SRD5A2: variants seen among roughly 807,000 people sequenced by gnomAD.
SRD5A2 encodes the protein steroid 5 alpha-reductase 2.
Under a neutral mutation model 27.4 loss-of-function variants are expected in SRD5A2, and 30 were observed. The ratio of observed to expected loss-of-function variants is 1.10; its 90% CI spans 0.82 to 1.49. The LOEUF is 1.49. Among genes scored for constraint, SRD5A2 ranks in the 40% most tolerant of loss-of-function variants. The pLI is 0.00. For missense variants in SRD5A2, 348 were observed against 323.4 expected (o/e 1.08, Z -0.58); for synonymous variants, 141 against 133.6 (o/e 1.06, Z -0.38).
intron 1 of SRD5A2, among the ~76,000 whole-genome samples, chr2:31,560,686 T>C (rs1666604407): frequency 6.6e-6 from 1 of 152,180 alleles, no homozygotes; most frequent in South Asian, 2.1e-4. Flanking sequence ...TCTTTCCCCA[T>C]TTCCTTTTAC....
At chr2:31,629,714 C>CAG in the SRD5A2 span, among the ~76,000 whole-genome samples, 2 of 152,112 alleles carry the variant, frequency 1.3e-5, no homozygotes, top group African/African-American at 4.8e-5. Flanking sequence ...ATGGTGCAGC[C>CAG]AGAAGTCTCT....
chr2:31,606,160 G>A, the SRD5A2 span, among the ~76,000 whole-genome samples: 4 of 151,942 alleles, frequency 2.6e-5, no homozygotes, highest in Admixed American at 6.6e-5. Flanking sequence ...GAAGGGTAGT[G>A]GGTGGTGGAA....
chr2:31,637,922 G>A, the SRD5A2 span, among the ~76,000 whole-genome samples: 1 of 151,494 alleles, frequency 6.6e-6, no homozygotes, highest in Admixed American at 6.6e-5. Flanking sequence ...TGTCTCAATT[G>A]CATTTATATT....
chr2:31,580,510 G>A (rs1391894081), intron 1 of SRD5A2, 110 bp downstream of exon 1: 17 of 1,320,202 alleles, frequency 1.3e-5, no homozygotes, highest in Admixed American at 2.9e-5. Context: ...TCCTCACAGC[G>A]CCCCACGCTG....
chr2:31,622,225 G>A, the SRD5A2 span, among the ~76,000 whole-genome samples: 2 of 152,028 alleles, frequency 1.3e-5, no homozygotes, highest in Admixed American at 6.6e-5. Context: ...GCAGTATTTG[G>A]TATTCTGCTT....
At chr2:31,529,669 C>T (rs757860224) in intron 3 of SRD5A2, among the ~76,000 whole-genome samples, 1 of 152,170 alleles carries the variant, frequency 6.6e-6, no homozygotes, top group South Asian at 2.1e-4. Context: ...TCTGGAGTTG[C>T]GAAGAGTGGC....
chr2:31,531,230 T>C, intron 3 of SRD5A2, 141 bp downstream of exon 3: 2 of 609,972 alleles, frequency 3.3e-6, no homozygotes, highest in Admixed American at 3.0e-5. Flanking sequence ...TGGGACTGGG[T>C]TTGCAGGGGA....
At chr2:31,599,450 T>C in the SRD5A2 span, among the ~76,000 whole-genome samples, 18 of 152,064 alleles carry the variant, frequency 1.2e-4, no homozygotes, top group African/African-American at 4.1e-4. Context: ...TGAAATAATA[T>C]CAAGCATTTT....
chr2:31,537,997 T>C (rs1666059830), intron 1 of SRD5A2, among the ~76,000 whole-genome samples: 1 of 152,156 alleles, frequency 6.6e-6, no homozygotes, highest in African/African-American at 2.4e-5. Context: ...TTTCTGCTCT[T>C]TGTAAATTAC....
the SRD5A2 span, among the ~76,000 whole-genome samples, chr2:31,592,949 T>C: frequency 6.6e-6 from 1 of 152,242 alleles, no homozygotes; most frequent in Non-Finnish European, 1.5e-5. Context: ...GATGAGTTCA[T>C]GTCCTTTGTA....
rs779428810 is a variant in SRD5A2, at chr2:31,580,670, C to T, written c.231G>A (p.Gly77=). ...GGCCCAGAAGTACCGTCCCAGGTGG[C>T]CCGAAGAGGGAGAGGGGCTGCCGGG... ...ILARQPLSLF[G]PPGTVLLGLF... is the part of the protein sequence containing the mutation. Residue 77 remains glycine, a synonymous_variant, in exon 1 of 5, where the codon GGG becomes GGA. Transcript: ENST00000622030. The T allele has an allele frequency of 2.6e-5, 42 of 1,595,224 alleles. No homozygotes were observed. Among genetic ancestry groups the T allele is most frequent in the Non-Finnish European group, 3.4e-5 (40 of 1,176,714 alleles).
the SRD5A2 span, among the ~76,000 whole-genome samples, chr2:31,640,786 C>T: frequency 6.6e-6 from 1 of 152,030 alleles, no homozygotes; most frequent in African/African-American, 2.4e-5. Flanking sequence ...GTAGTCCTAC[C>T]TACCCGCTTT....
the SRD5A2 span, among the ~76,000 whole-genome samples, chr2:31,596,910 C>T: frequency 2.0e-5 from 3 of 152,038 alleles, no homozygotes; most frequent in Non-Finnish European, 4.4e-5. Flanking sequence ...GTGAAAGTGA[C>T]CACCCTGCCA....
At chr2:31,553,149 G>A (rs1219761318) in intron 1 of SRD5A2, among the ~76,000 whole-genome samples, 1 of 152,066 alleles carries the variant, frequency 6.6e-6, no homozygotes, top group African/African-American at 2.4e-5. Context: ...TCAATAGAAA[G>A]CTTCAAACAC....
the SRD5A2 span, among the ~76,000 whole-genome samples, chr2:31,600,881 C>G: frequency 6.6e-6 from 1 of 151,806 alleles, no homozygotes; most frequent in African/African-American, 2.4e-5. Context: ...GGGATTTCTT[C>G]CAGGGATGCA....
At position 31,532,596 on chromosome 2, in the gene SRD5A2, C is replaced by T. The variant is rs372169227; in HGVS notation, c.445+1007G>A. Among the ~76,000 whole-genome samples the T allele has an allele frequency of 1.8e-3, 270 of 152,266 alleles. 1 individual carries two copies. Among genetic ancestry groups the T allele is most frequent in the Middle Eastern group, 6.8e-3 (2 of 294 alleles). On this transcript the variant is annotated intron_variant, in intron 2 of 4. Coordinates refer to ENST00000622030, the MANE Select transcript of SRD5A2 (RefSeq NM_000348.4). ...CATTATTACAGCCCAGAAACACTCACCGTCCCACAAAGAGGCCCAACCCAA... is the reference window on the plus strand; with the variant it reads ...CATTATTACAGCCCAGAAACACTCATCGTCCCACAAAGAGGCCCAACCCAA...
chr2:31,620,331 G>A, the SRD5A2 span, among the ~76,000 whole-genome samples: 1 of 151,986 alleles, frequency 6.6e-6, no homozygotes, highest in South Asian at 2.1e-4. Flanking sequence ...TGGAATTTCT[G>A]GCCAGGGCAA....
chr2:31,549,596 A>G lies in SRD5A2; in HGVS notation c.282-15830T>C, dbSNP rs569623591. On this transcript the variant is annotated intron_variant, in intron 1 of 4. Coordinates refer to ENST00000622030, the MANE Select transcript of SRD5A2 (RefSeq NM_000348.4). ...AAAATGAAGTAGAGTTACTATACTA[A>G]TTTCAGATAAAGTAGACTCTGAGCA... Among the ~76,000 whole-genome samples the G allele has an allele frequency of 2.6e-5, 4 of 152,328 alleles. No individual in the cohort carries two copies. In the South Asian group the frequency reaches 8.3e-4, roughly 32 times the overall value.
rs768439990 is a variant in SRD5A2, at chr2:31,580,673, G to A, written c.228C>T (p.Phe76=). ...CCAGAAGTACCGTCCCAGGTGGCCC[G>A]AAGAGGGAGAGGGGCTGCCGGGCGA... ...GILARQPLSL[F]GPPGTVLLGL... is the part of the protein sequence containing the mutation. The change falls in exon 1 of 5, where the codon TTC becomes TTT. Residue 76 remains phenylalanine (F), a synonymous_variant. Transcript: ENST00000622030. The A allele has an allele frequency of 1.9e-6, 3 of 1,596,900 alleles. No individual in the cohort carries two copies. In the South Asian group the frequency reaches 3.3e-5, roughly 18 times the overall value.
Sources: allele counts gnomAD v4.1 joint callset (sites outside exome capture counted in the v4.1 genomes callset), GRCh38; gene constraint gnomAD v4.1.1; transcripts MANE v1.5; gene names NCBI Gene and HGNC (gene_info 2026-07-23, HGNC 2026-07-21).